HDAC8: variants seen among roughly 807,000 people sequenced by gnomAD.
The protein encoded by HDAC8 is histone deacetylase-like 1.
A neutral mutation model predicts 32.2 loss-of-function variants in HDAC8; 1 was observed. The observed-to-expected ratio is 0.03, with a 90% CI of 0.01 to 0.15. The LOEUF is 0.15. Ranked by LOEUF, HDAC8 falls within the 10% of genes least tolerant of loss-of-function variation. The pLI is 1.00. For missense variants in HDAC8, 117 were observed against 300.0 expected (o/e 0.39, Z 4.51); for synonymous variants, 108 against 113.9 (o/e 0.95, Z 0.33).
At chrX:72,533,171 T>A (rs781874282) in intron 4 of HDAC8, among the ~76,000 whole-genome samples, 14 of 111,842 alleles carry the variant, frequency 1.3e-4, no homozygotes, top group Non-Finnish European at 2.6e-4. Flanking sequence ...TGACCATGGA[T>A]GTGTGGGGTT....
At chrX:72,507,723 C>A (rs1486154737) in intron 4 of HDAC8, among the ~76,000 whole-genome samples, 1 of 112,378 alleles carries the variant, frequency 8.9e-6, no homozygotes, top group Admixed American at 9.4e-5. Context: ...ACATCATCAA[C>A]ACAAACATGT....
At chrX:72,450,551 A>G (rs2047544865) in intron 9 of HDAC8, among the ~76,000 whole-genome samples, 1 of 111,640 alleles carries the variant, frequency 9.0e-6, no homozygotes, top group Non-Finnish European at 1.9e-5. Context: ...TAGTACCTTT[A>G]CAATGGTCTG....
chrX:72,558,536 C>T (rs1004268864), intron 4 of HDAC8, among the ~76,000 whole-genome samples: 4 of 111,718 alleles, frequency 3.6e-5, no homozygotes, highest in Admixed American at 1.9e-4. Flanking sequence ...AATTCAGCAT[C>T]GCTTTATGAT....
chrX:72,436,626 C>CAGGA (rs782354933), intron 9 of HDAC8, among the ~76,000 whole-genome samples: 1,844 of 109,502 alleles, frequency 0.017, 14 homozygotes, highest in African/African-American at 0.022. Context: ...AAAAGAGCAT[C>CAGGA]AGGAAGGAAG....
chrX:72,383,407 A>G (rs969295045), intron 9 of HDAC8, among the ~76,000 whole-genome samples: 2 of 112,343 alleles, frequency 1.8e-5, no homozygotes, highest in Non-Finnish European at 3.8e-5. Flanking sequence ...TTACACTAAT[A>G]GTAAAGCAAA....
At chrX:72,355,875 A>G (rs1409225646) in intron 9 of HDAC8, among the ~76,000 whole-genome samples, 1 of 112,288 alleles carries the variant, frequency 8.9e-6, no homozygotes, top group African/African-American at 3.2e-5. Context: ...GTAAGTATCT[A>G]CTATGTGCCC....
intron 4 of HDAC8, among the ~76,000 whole-genome samples, chrX:72,537,551 T>C (rs1851846940): frequency 8.9e-6 from 1 of 112,121 alleles, no homozygotes; most frequent in Non-Finnish European, 1.9e-5. Flanking sequence ...TGGATATATA[T>C]CCCTCTTATA....
chrX:72,337,671 C>G (rs1467295072), intron 10 of HDAC8, among the ~76,000 whole-genome samples: 1 of 111,413 alleles, frequency 9.0e-6, no homozygotes, highest in African/African-American at 3.3e-5. Flanking sequence ...CTCCTACAAC[C>G]CTGTTCTCTA....
intron 7 of HDAC8, among the ~76,000 whole-genome samples, chrX:72,468,862 C>T (rs1351120757): frequency 8.9e-6 from 1 of 112,083 alleles, no homozygotes; most frequent in Non-Finnish European, 1.9e-5. Flanking sequence ...ATAGGTACTA[C>T]GTTGGGCAAT....
chrX:72,415,661 T>C (rs1486266598), intron 9 of HDAC8, among the ~76,000 whole-genome samples: 2 of 112,201 alleles, frequency 1.8e-5, no homozygotes, highest in Non-Finnish European at 3.8e-5. Flanking sequence ...GATTTACACA[T>C]AAATATTTCA....
rs538474168 is a variant in HDAC8, at chrX:72,554,499, A to G, written c.437+13390T>C. Among the ~76,000 whole-genome samples, 42 of 14,928 alleles carry G rather than the reference A, an allele frequency of 2.8e-3. No homozygotes were observed. In the East Asian group the frequency reaches 0.25, roughly 89 times the overall value. The allele number at this position is 14,928 out of a possible 115,157, so 13.0% of individuals were successfully genotyped here. A position where few individuals can be genotyped will look rare whatever the true frequency, so the allele number is the denominator to read the frequency against. On this transcript the variant is annotated intron_variant, in intron 4 of 10. Coordinates refer to ENST00000373573, the MANE Select transcript of HDAC8 (RefSeq NM_018486.3). ...TGTTTGGAGCGGGTAGGGCGGGGGGAGCGGGGAGGGCGGGGAGGGCGGGGA... is the reference window on the plus strand; with the variant it reads ...TGTTTGGAGCGGGTAGGGCGGGGGGGGCGGGGAGGGCGGGGAGGGCGGGGA...
intron 1 of HDAC8, 87 bp from the exon 2 acceptor site, chrX:72,572,196 C>T (rs782138700): frequency 1.8e-5 from 16 of 894,595 alleles, no homozygotes; most frequent in Non-Finnish European, 2.3e-5. Flanking sequence ...TCAATCTCAC[C>T]ATCCTGAACA....
chrX:72,500,526 A>T (rs969601094), intron 4 of HDAC8, among the ~76,000 whole-genome samples: 3 of 111,957 alleles, frequency 2.7e-5, no homozygotes, highest in Non-Finnish European at 5.6e-5. Flanking sequence ...AAAGACAAAA[A>T]CTACATGATC....
chrX:72,502,894 C>A (rs904156034), intron 4 of HDAC8, among the ~76,000 whole-genome samples: 1 of 110,667 alleles, frequency 9.0e-6, no homozygotes, highest in Non-Finnish European at 1.9e-5. Flanking sequence ...CCACTGCACT[C>A]CAGCCTGGGT....
At chrX:72,390,049 G>A (rs1555963236) in intron 9 of HDAC8, among the ~76,000 whole-genome samples, 2 of 110,799 alleles carry the variant, frequency 1.8e-5, no homozygotes, top group African/African-American at 6.6e-5. Context: ...ATTTTTGTGG[G>A]TATATAGCAC....
At chrX:72,439,743 G>T (rs2047065448) in intron 9 of HDAC8, among the ~76,000 whole-genome samples, 1 of 110,696 alleles carries the variant, frequency 9.0e-6, no homozygotes, top group South Asian at 3.9e-4. Flanking sequence ...TTACATAATG[G>T]TAAAGGGATC....
At position 72,329,689 on chromosome X, in the gene HDAC8, G is replaced by C; in HGVS notation, c.*365C>G. On this transcript the variant is annotated 3_prime_UTR_variant, in exon 11 of 11. Transcript: ENST00000373573. ...CAGCTGCCTCCTGCCCTACAAACTGGTGACTGCTCTCATCCAGCTTCTGAT... is the reference window on the plus strand; with the variant it reads ...CAGCTGCCTCCTGCCCTACAAACTGCTGACTGCTCTCATCCAGCTTCTGAT... 1 of 1,189,674 alleles carries C rather than the reference G, an allele frequency of 8.4e-7. No individual in the cohort carries two copies. The highest frequency in any genetic ancestry group is 1.1e-6 in the Non-Finnish European group (1 of 884,263).
intron 9 of HDAC8, among the ~76,000 whole-genome samples, chrX:72,453,512 G>GAAAGAAAC: frequency 9.2e-6 from 1 of 108,125 alleles, no homozygotes; most frequent in Non-Finnish European, 1.9e-5. Flanking sequence ...AAGAAAGAAA[G>GAAAGAAAC]AAAGAAAGAA....
At chrX:72,387,388 T>C (rs1222954200) in intron 9 of HDAC8, among the ~76,000 whole-genome samples, 1 of 111,779 alleles carries the variant, frequency 8.9e-6, no homozygotes, top group Non-Finnish European at 1.9e-5. Context: ...GCAGGGCGGG[T>C]TTCTGTAGCT....
Sources: allele counts gnomAD v4.1 joint callset (sites outside exome capture counted in the v4.1 genomes callset), GRCh38; gene constraint gnomAD v4.1.1; transcripts MANE v1.5; gene names NCBI Gene and HGNC (gene_info 2026-07-23, HGNC 2026-07-21).